The following CFAP43 variants were observed in gnomAD, a reference collection of about 807,000 sequenced individuals.
The protein encoded by CFAP43 is cilia and flagella associated protein 43, also known as cilia- and flagella-associated protein 43.
Under a neutral mutation model 218.9 loss-of-function variants are expected in CFAP43, and 155 were observed. The observed-to-expected ratio is 0.71, with a 90% confidence interval of 0.62 to 0.81. The LOEUF is 0.81. Among genes scored for constraint, CFAP43 ranks in the 30% least tolerant of loss-of-function variants. CFAP43 has a pLI of 0.00. For synonymous variants in CFAP43, 645 were observed against 681.3 expected (o/e 0.95, Z 0.83); for missense variants, 1,778 against 1,954.3 (o/e 0.91, Z 1.70).
intron 24 of CFAP43, 88 bp downstream of exon 24, chr10:104,164,006 C>T (rs1482053782): frequency 7.3e-7 from 1 of 1,361,332 alleles, no homozygotes; most frequent in African/African-American, 1.4e-5. Flanking sequence ...AGTACAATCA[C>T]TTCCCACAGA....
intron 9 of CFAP43, 118 bp downstream of exon 9, chr10:104,197,804 T>C: frequency 1.5e-6 from 1 of 677,700 alleles, no homozygotes. Context: ...CTGCCTCCTG[T>C]TCGCATTGCT....
At chr10:104,189,502 C>T (rs1222884675) in intron 12 of CFAP43, among the ~76,000 whole-genome samples, 4 of 152,338 alleles carry the variant, frequency 2.6e-5, no homozygotes, top group East Asian at 3.9e-4. Context: ...CCTCTCCCTA[C>T]CCACACTTCT....
intron 3 of CFAP43, among the ~76,000 whole-genome samples, chr10:104,223,294 CA>C (rs35026539): frequency 1.1e-4 from 17 of 148,908 alleles, no homozygotes; most frequent in South Asian, 2.1e-4. Context: ...ATTTTATGGC[CA>C]AAAAAAAATA....
At chr10:104,183,251 T>A (rs976257114) in intron 16 of CFAP43, among the ~76,000 whole-genome samples, 1 of 152,140 alleles carries the variant, frequency 6.6e-6, no homozygotes, top group Non-Finnish European at 1.5e-5. Flanking sequence ...AAAGTCCAGA[T>A]GGGATCCAAG....
rs183668257 is a variant in CFAP43, at chr10:104,136,104, G to A, written c.4432-2320C>T. Reference sequence around the variant, plus strand: ...GTCTCTACTAAAAATACAAAAATTAGCTGGGCATGGTGGTGGGCGCCTGTA... The same window carrying A: ...GTCTCTACTAAAAATACAAAAATTAACTGGGCATGGTGGTGGGCGCCTGTA... On this transcript the variant is annotated intron_variant, in intron 34 of 37. Coordinates refer to ENST00000357060, the MANE Select transcript of CFAP43 (RefSeq NM_025145.7). Among the ~76,000 whole-genome samples, 190 of 151,630 alleles carry A rather than the reference G, an allele frequency of 1.3e-3. 1 individual carries two copies. Among genetic ancestry groups the A allele is most frequent in the African/African-American group, 4.3e-3 (179 of 41,420 alleles).
chr10:104,150,342 C>A (rs1357377412), intron 28 of CFAP43, among the ~76,000 whole-genome samples: 1 of 152,198 alleles, frequency 6.6e-6, no homozygotes, highest in Admixed American at 6.5e-5. Context: ...GTGGCCACAA[C>A]TCCCAAGAGC....
intron 3 of CFAP43, chr10:104,218,875 A>G (rs376487450): frequency 2.0e-6 from 1 of 503,784 alleles, no homozygotes; most frequent in Non-Finnish European, 4.1e-6. Flanking sequence ...CCCTAGGAAC[A>G]GCCGAGCAGC....
At chr10:104,205,186 C>T (rs1374873864) in intron 7 of CFAP43, among the ~76,000 whole-genome samples, 2 of 125,430 alleles carry the variant, frequency 1.6e-5, no homozygotes, top group African/African-American at 6.3e-5. Context: ...GTACTCCAGC[C>T]TGGGAGACAG....
chr10:104,220,015 G>A (rs996829126), intron 3 of CFAP43, among the ~76,000 whole-genome samples: 1 of 152,174 alleles, frequency 6.6e-6, no homozygotes, highest in African/African-American at 2.4e-5. Flanking sequence ...GATCTTTACA[G>A]AGGGTAATCA....
chr10:104,218,667 G>A, intron 3 of CFAP43: 1 of 450,586 alleles, frequency 2.2e-6, no homozygotes, highest in Non-Finnish European at 4.4e-6. Flanking sequence ...AAGCCCTTGA[G>A]GTAGTCCCTG....
chr10:104,164,951 C>A (rs976341920), intron 23 of CFAP43, among the ~76,000 whole-genome samples: 1 of 152,154 alleles, frequency 6.6e-6, no homozygotes, highest in Admixed American at 6.5e-5. Context: ...ACAAAATCCA[C>A]TATAAAATAT....
chr10:104,225,672 T>A, intron 2 of CFAP43, 115 bp from the exon 3 acceptor site: 1 of 832,794 alleles, frequency 1.2e-6, no homozygotes, highest in Non-Finnish European at 1.8e-6. Context: ...CAAAAGCATT[T>A]AACTATTAGA....
intron 10 of CFAP43, among the ~76,000 whole-genome samples, chr10:104,195,758 T>G (rs950746664): frequency 6.6e-6 from 1 of 152,220 alleles, no homozygotes; most frequent in Non-Finnish European, 1.5e-5. Flanking sequence ...CAAAATGCAC[T>G]GTGAACATGG....
At chr10:104,134,473 A>G (rs2087343149) in intron 34 of CFAP43, among the ~76,000 whole-genome samples, 2 of 152,332 alleles carry the variant, frequency 1.3e-5, no homozygotes, top group Admixed American at 1.3e-4. Flanking sequence ...AAAAATCAGC[A>G]AAATTGACAA....
chr10:104,209,752 T>C (rs2090796404), intron 5 of CFAP43, among the ~76,000 whole-genome samples: 1 of 152,198 alleles, frequency 6.6e-6, no homozygotes, highest in Non-Finnish European at 1.5e-5. Flanking sequence ...GTTGCAAACC[T>C]TGATGGCTGA....
At chr10:104,140,229 A>G (rs1352022145) in intron 34 of CFAP43, among the ~76,000 whole-genome samples, 2 of 152,228 alleles carry the variant, frequency 1.3e-5, no homozygotes, top group African/African-American at 4.8e-5. Flanking sequence ...AAGCTTATCT[A>G]AGATTATCTT....
chr10:104,192,756 G>A (rs1209062671), intron 11 of CFAP43: 1 of 172,196 alleles, frequency 5.8e-6, no homozygotes, highest in Non-Finnish European at 1.2e-5. Context: ...ATTAGAATAA[G>A]AGGATCTGAG....
At chr10:104,228,406 G>C (rs2091360330) in intron 2 of CFAP43, among the ~76,000 whole-genome samples, 2 of 151,598 alleles carry the variant, frequency 1.3e-5, no homozygotes, top group Non-Finnish European at 2.9e-5. Context: ...CACTGATTTG[G>C]TGATCCCTGC....
intron 23 of CFAP43, among the ~76,000 whole-genome samples, chr10:104,164,956 A>C (rs2134824103): frequency 6.6e-6 from 1 of 152,302 alleles, no homozygotes; most frequent in South Asian, 2.1e-4. Flanking sequence ...ATCCACTATA[A>C]AATATTTAAA....
Sources: allele counts gnomAD v4.1 joint callset (sites outside exome capture counted in the v4.1 genomes callset), GRCh38; gene constraint gnomAD v4.1.1; transcripts MANE v1.5; gene names NCBI Gene and HGNC (gene_info 2026-07-23, HGNC 2026-07-21).